MLIP: variants seen among roughly 807,000 people sequenced by gnomAD.
MLIP encodes muscular LMNA interacting protein.
In MLIP, 79 loss-of-function variants were observed where a neutral mutation model predicts 84.8. The ratio of observed to expected loss-of-function variants is 0.93; its 90% CI spans 0.78 to 1.12. The LOEUF (loss-of-function observed/expected upper bound fraction) is 1.12. Ranked by LOEUF, MLIP falls within the 50% of genes most tolerant of loss-of-function variation. MLIP has a pLI of 0.00. For missense variants in MLIP, 1,257 were observed against 1,160.6 expected (o/e 1.08, Z -1.21); for synonymous variants, 504 against 463.0 (o/e 1.09, Z -1.14).
chr6:54,065,193 C>G (rs1305846529), intron 1 of MLIP, among the ~76,000 whole-genome samples: 3 of 100,356 alleles, frequency 3.0e-5, no homozygotes, highest in African/African-American at 7.7e-5. Flanking sequence ...AGAGCTGTAC[C>G]TTCATCATAG....
chr6:54,132,907 AT>A (rs1199903313), intron 3 of MLIP, among the ~76,000 whole-genome samples: 7 of 152,094 alleles, frequency 4.6e-5, no homozygotes, highest in Non-Finnish European at 5.9e-5. Context: ...AGTGGTATCA[AT>A]TTTCTTTTTC....
At chr6:54,217,320 T>C in intron 11 of MLIP, 1 of 985,346 alleles carries the variant, frequency 1.0e-6, no homozygotes, top group Non-Finnish European at 1.2e-6. Flanking sequence ...CAGGCTTTAA[T>C]AAGAAGAGCT....
At chr6:54,031,723 A>G (rs1208451586) in intron 1 of MLIP, 1 of 152,128 alleles carries the variant, frequency 6.6e-6, no homozygotes, top group African/African-American at 2.4e-5. Context: ...GACAGATGAG[A>G]TATGGTTTTT....
At chr6:54,149,187 T>A in intron 5 of MLIP, 60 bp downstream of exon 5, 1 of 1,441,420 alleles carries the variant, frequency 6.9e-7, no homozygotes, top group Non-Finnish European at 9.7e-7. Context: ...TAAAATGTTT[T>A]CTAAAATTTC....
At chr6:54,167,941 C>T (rs933390818) in intron 8 of MLIP, among the ~76,000 whole-genome samples, 3 of 151,784 alleles carry the variant, frequency 2.0e-5, no homozygotes, top group Non-Finnish European at 4.4e-5. Flanking sequence ...GTTAGCTTCT[C>T]AAGCAACTCA....
intron 1 of MLIP, among the ~76,000 whole-genome samples, chr6:54,025,780 A>G (rs1763768063): frequency 6.6e-6 from 1 of 151,972 alleles, no homozygotes; most frequent in Admixed American, 6.6e-5. Context: ...TTTATTGGTG[A>G]CATTGTCATG....
intron 9 of MLIP, among the ~76,000 whole-genome samples, chr6:54,187,619 T>C (rs1389471131): frequency 6.6e-6 from 1 of 152,166 alleles, no homozygotes; most frequent in Non-Finnish European, 1.5e-5. Context: ...CAGGCTTATA[T>C]GCAAAAACCA....
At chr6:54,189,939 C>T in intron 10 of MLIP, 25 bp downstream of exon 10, 1 of 1,537,406 alleles carries the variant, frequency 6.5e-7, no homozygotes, top group East Asian at 2.3e-5. Flanking sequence ...AGTCACAGAT[C>T]TACTGCAAAT....
At chr6:54,227,992 G>T (rs1007564545) in intron 11 of MLIP, among the ~76,000 whole-genome samples, 4 of 152,012 alleles carry the variant, frequency 2.6e-5, no homozygotes, top group African/African-American at 9.7e-5. Context: ...GATCATTCTG[G>T]CTAACACGGT....
intron 13 of MLIP, among the ~76,000 whole-genome samples, chr6:54,263,396 T>G (rs1783506426): frequency 6.6e-6 from 1 of 152,014 alleles, no homozygotes; most frequent in South Asian, 2.1e-4. Flanking sequence ...TTCACCAAAG[T>G]CAATAGTTAC....
At chr6:54,250,012 A>C (rs1334899432) in intron 12 of MLIP, among the ~76,000 whole-genome samples, 1 of 151,776 alleles carries the variant, frequency 6.6e-6, no homozygotes. Flanking sequence ...TGCTCTCATC[A>C]TTTAGCTCCC....
At chr6:54,102,655 C>G (rs889872491) in intron 1 of MLIP, among the ~76,000 whole-genome samples, 1 of 152,166 alleles carries the variant, frequency 6.6e-6, no homozygotes, top group Non-Finnish European at 1.5e-5. Flanking sequence ...AGAAATCCCT[C>G]CTGTCCTCTC....
intron 11 of MLIP, chr6:54,203,952 A>G (rs1465647384): frequency 1.3e-5 from 2 of 152,198 alleles, no homozygotes; most frequent in African/African-American, 4.8e-5. Flanking sequence ...TCCTTTAAAC[A>G]CTAAAATTTG....
intron 5 of MLIP, among the ~76,000 whole-genome samples, chr6:54,151,242 AT>A (rs1773412173): frequency 1.3e-5 from 2 of 152,102 alleles, no homozygotes; most frequent in South Asian, 4.1e-4. Flanking sequence ...TCAATAAGAA[AT>A]TTTACTTTGT....
At chr6:54,215,583 T>C in intron 11 of MLIP, 1 of 203,080 alleles carries the variant, frequency 4.9e-6, no homozygotes, top group South Asian at 1.4e-4. Context: ...ATGTAACTAT[T>C]AATGTACTAG....
chr6:54,152,775 T>C (rs1463000246), intron 5 of MLIP, among the ~76,000 whole-genome samples: 1 of 152,148 alleles, frequency 6.6e-6, no homozygotes, highest in Non-Finnish European at 1.5e-5. Context: ...CTGAGTCTGA[T>C]AGCAATAGGT....
intron 5 of MLIP, among the ~76,000 whole-genome samples, chr6:54,156,658 A>T (rs1304072218): frequency 6.6e-6 from 1 of 152,132 alleles, no homozygotes; most frequent in Admixed American, 6.6e-5. Flanking sequence ...GCATTTTACC[A>T]GGGAGTATTT....
rs148476876 is a variant in MLIP at position 54,251,441 on chromosome 6, C to CATATATATATATATAT, written c.2923-5856_2923-5841dup. On this transcript the variant is annotated intron_variant, in intron 12 of 13. Coordinates refer to ENST00000502396, the MANE Select transcript of MLIP (RefSeq NM_001281747.2). ...TATCTCCAAAGTGAATGAAACAAGC[C>CATATATATATATATAT]ATATATATATATATATATATATATA... is the stretch of plus-strand genomic sequence containing the variant. Among the ~76,000 whole-genome samples, 368 of 88,498 alleles carry CATATATATATATATAT rather than the reference C, an allele frequency of 4.2e-3. 8 individuals are homozygous for CATATATATATATATAT. The highest frequency in any genetic ancestry group is 9.6e-3 in the African/African-American group (136 of 14,142). 58.1% of individuals were successfully genotyped at this position (88,498 alleles called of 152,430 possible). A position where few individuals can be genotyped will look rare whatever the true frequency, so the allele number is the denominator to read the frequency against.
At chr6:54,086,550 C>T (rs1157731696) in intron 1 of MLIP, among the ~76,000 whole-genome samples, 1 of 152,164 alleles carries the variant, frequency 6.6e-6, no homozygotes, top group Non-Finnish European at 1.5e-5. Flanking sequence ...GAGATCATGT[C>T]ACCACTTTGC....
Sources: allele counts gnomAD v4.1 joint callset (sites outside exome capture counted in the v4.1 genomes callset), GRCh38; gene constraint gnomAD v4.1.1; transcripts MANE v1.5; gene names NCBI Gene and HGNC (gene_info 2026-07-23, HGNC 2026-07-21).